The following DTWD2 variants were observed in gnomAD, a reference collection of about 807,000 sequenced individuals.
DTWD2 encodes the protein DTW motif tRNA-uridine aminocarboxypropyltransferase 2.
In DTWD2, 39 loss-of-function variants were observed where a neutral mutation model predicts 31.8. The observed-to-expected ratio is 1.22, with a 90% CI of 0.95 to 1.60. The LOEUF is 1.60. Ranked by LOEUF, DTWD2 falls within the 40% of genes most tolerant of loss-of-function variation. The pLI, the probability that DTWD2 is intolerant of heterozygous loss-of-function variation, is 0.00. For missense variants in DTWD2, 515 were observed against 381.5 expected, an observed-to-expected ratio of 1.35 and a Z score of -2.92; for synonymous variants, 180 against 142.8, an observed-to-expected ratio of 1.26 and a Z score of -1.86.
At chr5:118,915,374 A>ATT (rs199654152) in intron 4 of DTWD2, among the ~76,000 whole-genome samples, 42 of 138,218 alleles carry the variant, frequency 3.0e-4, no homozygotes, top group South Asian at 6.9e-4. Flanking sequence ...TAATCTTTGA[A>ATT]TTTTTTTTTT....
At chr5:118,921,399 C>T (rs1252054004) in intron 4 of DTWD2, among the ~76,000 whole-genome samples, 1 of 151,548 alleles carries the variant, frequency 6.6e-6, no homozygotes, top group Admixed American at 6.6e-5. Context: ...CCCACTAGTC[C>T]CACCACTGAG....
At chr5:118,874,211 C>A (rs1234304264) in intron 4 of DTWD2, among the ~76,000 whole-genome samples, 2 of 152,084 alleles carry the variant, frequency 1.3e-5, no homozygotes, top group African/African-American at 4.8e-5. Context: ...CAAGGGTGAG[C>A]AATCTCAAAG....
chr5:118,980,134 A>G (rs1366316373), intron 1 of DTWD2, among the ~76,000 whole-genome samples: 2 of 152,176 alleles, frequency 1.3e-5, no homozygotes, highest in Non-Finnish European at 2.9e-5. Flanking sequence ...TTTGTTCTGG[A>G]CTATCTTTTC....
In DTWD2 at chr5:118,850,477, C is replaced by CAAAAAAAAA. The variant is rs34808087; in HGVS notation, c.598-2268_598-2260dup. ...TGGGTGACAGAGCCAGACCCCACCA[C>CAAAAAAAAA]AAAAAAAAAAAAAAAAAAAAAAAAA... On this transcript the variant is annotated intron_variant, in intron 4 of 5. Transcript: ENST00000510708. Among the ~76,000 whole-genome samples the CAAAAAAAAA allele has an allele frequency of 4.6e-4, 14 of 30,478 alleles. 1 individual carries two copies. The highest frequency in any genetic ancestry group is 7.0e-4 in the African/African-American group (7 of 10,028). 20.0% of individuals were successfully genotyped at this position (30,478 alleles called of 152,430 possible).
intron 1 of DTWD2, among the ~76,000 whole-genome samples, chr5:118,960,888 G>A (rs971230296): frequency 1.3e-5 from 2 of 152,088 alleles, no homozygotes; most frequent in Non-Finnish European, 2.9e-5. Context: ...ACACATGGAT[G>A]CCAAGAAGGA....
At chr5:118,857,322 G>C (rs1271667000) in intron 4 of DTWD2, among the ~76,000 whole-genome samples, 1 of 152,034 alleles carries the variant, frequency 6.6e-6, no homozygotes, top group Non-Finnish European at 1.5e-5. Context: ...AATATAGCGT[G>C]TATAACTCTT....
intron 4 of DTWD2, among the ~76,000 whole-genome samples, chr5:118,905,944 A>C (rs1753323763): frequency 6.6e-6 from 1 of 152,094 alleles, no homozygotes; most frequent in Non-Finnish European, 1.5e-5. Flanking sequence ...AGACTAGGAG[A>C]AAACATTTGC....
intron 4 of DTWD2, among the ~76,000 whole-genome samples, chr5:118,891,306 G>A (rs1752973368): frequency 6.6e-6 from 1 of 151,980 alleles, no homozygotes; most frequent in Non-Finnish European, 1.5e-5. Context: ...CATAAACAGA[G>A]GCAGTTTTAC....
At chr5:118,871,071 A>G (rs1391359825) in intron 4 of DTWD2, among the ~76,000 whole-genome samples, 1 of 152,106 alleles carries the variant, frequency 6.6e-6, no homozygotes, top group South Asian at 2.1e-4. Context: ...CAATGTTCAC[A>G]GCATCTTCAC....
chr5:118,883,607 A>G (rs1298021997), intron 4 of DTWD2, among the ~76,000 whole-genome samples: 1 of 152,202 alleles, frequency 6.6e-6, no homozygotes, highest in Non-Finnish European at 1.5e-5. Flanking sequence ...ATCATGGTAG[A>G]GGACAAAGGG....
intron 4 of DTWD2, among the ~76,000 whole-genome samples, chr5:118,884,972 G>A (rs959840416): frequency 6.2e-5 from 9 of 145,098 alleles, no homozygotes; most frequent in Admixed American, 6.2e-4. Context: ...CTCCAGTCTG[G>A]GGGACAGAGT....
chr5:118,879,031 C>A (rs978398927), intron 4 of DTWD2, among the ~76,000 whole-genome samples: 1 of 147,262 alleles, frequency 6.8e-6, no homozygotes, highest in Non-Finnish European at 1.5e-5. Flanking sequence ...CACTTCTACA[C>A]TGTTGGGGGG....
chr5:118,985,178 C>A (rs1435970231), intron 1 of DTWD2, among the ~76,000 whole-genome samples: 1 of 152,048 alleles, frequency 6.6e-6, no homozygotes, highest in Admixed American at 6.6e-5. Context: ...ATTCTATACA[C>A]TAAACTCTCG....
intron 4 of DTWD2, among the ~76,000 whole-genome samples, chr5:118,873,882 C>T (rs112582507): frequency 4.7e-4 from 72 of 152,312 alleles, no homozygotes; most frequent in African/African-American, 1.6e-3. Context: ...AACCCCTCTA[C>T]TCACCCCACA....
chr5:118,918,836 A>AC (rs1753638667), intron 4 of DTWD2, among the ~76,000 whole-genome samples: 1 of 152,020 alleles, frequency 6.6e-6, no homozygotes, highest in African/African-American at 2.4e-5. Flanking sequence ...AGGAAAAAAA[A>AC]AAAAAAAGAA....
At chr5:118,904,652 A>G (rs1354287563) in intron 4 of DTWD2, among the ~76,000 whole-genome samples, 1 of 152,142 alleles carries the variant, frequency 6.6e-6, no homozygotes, top group Non-Finnish European at 1.5e-5. Context: ...TAAGAAGCAA[A>G]AGAAAATAAA....
intron 4 of DTWD2, among the ~76,000 whole-genome samples, chr5:118,876,472 G>A (rs1752624157): frequency 1.3e-5 from 2 of 151,856 alleles, no homozygotes; most frequent in Non-Finnish European, 2.9e-5. Flanking sequence ...TTTAAAAAAA[G>A]AATAGACCAC....
In DTWD2 at chr5:118,935,810, A is replaced by C. The variant is rs549724758; in HGVS notation, c.404+3386T>G. Among the ~76,000 whole-genome samples the C allele has an allele frequency of 3.9e-5, 6 of 152,360 alleles. No individual in the cohort carries two copies. The South Asian group carries it at 1.0e-3, about 26-fold the overall frequency. ...AATCATAGCTGGAGATTTTAACACAATTTCCTTGATATTTGAGAGAAAACA... is the reference window on the plus strand; with the variant it reads ...AATCATAGCTGGAGATTTTAACACACTTTCCTTGATATTTGAGAGAAAACA... On this transcript the variant is annotated intron_variant, in intron 3 of 5. Coordinates refer to ENST00000510708, the MANE Select transcript of DTWD2 (RefSeq NM_173666.4).
rs901451985 is a variant in DTWD2, at chr5:118,988,357, G to A, written c.155C>T (p.Ala52Val). Residue 52 changes from alanine (A) to valine (V), a missense_variant, in exon 1 of 6, where the codon GCG becomes GTG. Transcript: ENST00000510708. ...ALGAEADDDS[A>V]DGLWELPVEP... The stretch of plus-strand genomic sequence containing the variant: ...CACCGGCAGCTCCCACAGCCCGTCC[G>A]CACTGTCGTCGTCCGCCTCTGCGCC... 4.5e-6 allele frequency: 7 copies of A among 1,564,054 alleles called. No individual in the cohort carries two copies. Among genetic ancestry groups the A allele is most frequent in the African/African-American group, 1.4e-5 (1 of 72,914 alleles).
Sources: gnomAD v4.1 joint callset for allele counts (sites outside exome capture counted in the v4.1 genomes callset) on GRCh38, gnomAD v4.1.1 for gene constraint, MANE v1.5 for transcripts, NCBI Gene and HGNC (gene_info 2026-07-23, HGNC 2026-07-21) for gene names.